SMYD3: variants seen among roughly 807,000 people sequenced by gnomAD.
The protein encoded by SMYD3 is histone-lysine N-methyltransferase SMYD3.
A neutral mutation model predicts 57.7 loss-of-function variants in SMYD3; 36 were observed. The observed-to-expected ratio is 0.62, with a 90% confidence interval of 0.48 to 0.82. The LOEUF (loss-of-function observed/expected upper bound fraction) is 0.82. SMYD3 is among the 40% of genes least tolerant of loss of function. SMYD3 has a pLI of 0.00. For synonymous variants in SMYD3, 211 were observed against 195.0 expected, an observed-to-expected ratio of 1.08 and a Z score of -0.68; for missense variants, 515 against 538.8, an observed-to-expected ratio of 0.96 and a Z score of 0.44.
At chr1:246,217,968 T>C (rs1247477789) in intron 5 of SMYD3, among the ~76,000 whole-genome samples, 1 of 152,100 alleles carries the variant, frequency 6.6e-6, no homozygotes, top group Non-Finnish European at 1.5e-5. Flanking sequence ...CAATGGAAGA[T>C]AAATACATGA....
chr1:246,429,516 G>GC (rs1271948816), intron 1 of SMYD3, among the ~76,000 whole-genome samples: 5 of 152,186 alleles, frequency 3.3e-5, no homozygotes, highest in African/African-American at 1.2e-4. Flanking sequence ...AGCTGGAGTT[G>GC]TAAAAATCCA....
At chr1:245,993,639 C>T (rs112724593) in intron 5 of SMYD3, among the ~76,000 whole-genome samples, 1,182 of 112,174 alleles carry the variant, frequency 0.011, 23 homozygotes, top group African/African-American at 0.046. Context: ...GATAGACAGA[C>T]AGACAGACAG....
At chr1:246,427,785 T>C (rs1352157672) in intron 1 of SMYD3, among the ~76,000 whole-genome samples, 1 of 151,676 alleles carries the variant, frequency 6.6e-6, no homozygotes. Flanking sequence ...GCCCAGGAGG[T>C]TGAGGCTGCG....
chr1:246,377,993 C>T (rs1212891251), intron 1 of SMYD3, among the ~76,000 whole-genome samples: 1 of 152,202 alleles, frequency 6.6e-6, no homozygotes, highest in African/African-American at 2.4e-5. Context: ...TGTGCTTTCC[C>T]TTGACAAATG....
At chr1:246,432,000 A>T (rs901675571) in intron 1 of SMYD3, among the ~76,000 whole-genome samples, 1 of 152,240 alleles carries the variant, frequency 6.6e-6, no homozygotes, top group African/African-American at 2.4e-5. Context: ...AAAAGTATAT[A>T]GTCTGGCAAC....
At chr1:246,093,705 G>T (rs1307315615) in intron 5 of SMYD3, among the ~76,000 whole-genome samples, 1 of 152,006 alleles carries the variant, frequency 6.6e-6, no homozygotes, top group Non-Finnish European at 1.5e-5. Flanking sequence ...AATTGAAAAT[G>T]ATTTAAGTTC....
Position 246,117,592 on chromosome 1 carries a change from C to G in SMYD3, c.532-187655G>C, listed in dbSNP as rs141734585. 3.5e-3 allele frequency among the ~76,000 whole-genome samples: 530 copies of G among 152,340 alleles called. 5 individuals are homozygous for G. Among genetic ancestry groups the G allele is most frequent in the African/African-American group, 0.012 (480 of 41,578 alleles). Reference sequence around the variant, plus strand: ...ATGACAAGGTAAGGTTTCCCTCCCACTCCTGACCCCAGTGCTCGCTCTTGC... The same window carrying G: ...ATGACAAGGTAAGGTTTCCCTCCCAGTCCTGACCCCAGTGCTCGCTCTTGC... On this transcript the variant is annotated intron_variant, in intron 5 of 11. Coordinates refer to ENST00000490107, the MANE Select transcript of SMYD3 (RefSeq NM_001167740.2).
chr1:245,979,990 G>A (rs1160398155), intron 5 of SMYD3, among the ~76,000 whole-genome samples: 1 of 152,190 alleles, frequency 6.6e-6, no homozygotes, highest in Non-Finnish European at 1.5e-5. Flanking sequence ...AGTGGACATC[G>A]CACGCTAGCC....
chr1:246,099,199 T>C (rs1191371522), intron 5 of SMYD3, among the ~76,000 whole-genome samples: 1 of 152,218 alleles, frequency 6.6e-6, no homozygotes, highest in Non-Finnish European at 1.5e-5. Flanking sequence ...ATTTGATACG[T>C]ATTTTGAAAC....
chr1:245,765,812 G>A (rs1188809613), intron 10 of SMYD3, among the ~76,000 whole-genome samples: 4 of 152,190 alleles, frequency 2.6e-5, no homozygotes, highest in East Asian at 3.9e-4. Flanking sequence ...CATCACTCAC[G>A]CAGGGCCTGC....
chr1:246,423,045 T>C (rs1344302919), intron 1 of SMYD3, among the ~76,000 whole-genome samples: 1 of 152,078 alleles, frequency 6.6e-6, no homozygotes, highest in Non-Finnish European at 1.5e-5. Flanking sequence ...GGCATATAAT[T>C]CCAATCACTT....
At chr1:245,929,502 T>A (rs548255466) in intron 6 of SMYD3, among the ~76,000 whole-genome samples, 1 of 152,146 alleles carries the variant, frequency 6.6e-6, no homozygotes, top group Non-Finnish European at 1.5e-5. Flanking sequence ...TGAACCCAAC[T>A]GATACGTACG....
chr1:246,470,337 C>T (rs1302340321), intron 1 of SMYD3, among the ~76,000 whole-genome samples: 61 of 151,464 alleles, frequency 4.0e-4, no homozygotes, highest in Non-Finnish European at 1.0e-4. Flanking sequence ...GCTAAAAATA[C>T]AAAAAATAAT....
At chr1:246,134,863 T>G (rs929516242) in intron 5 of SMYD3, among the ~76,000 whole-genome samples, 1 of 151,962 alleles carries the variant, frequency 6.6e-6, no homozygotes. Flanking sequence ...AATATCTATT[T>G]TTAAAGTGTG....
chr1:246,278,214 T>C (rs2064371793), intron 5 of SMYD3, among the ~76,000 whole-genome samples: 1 of 151,134 alleles, frequency 6.6e-6, no homozygotes, highest in Non-Finnish European at 1.5e-5. Flanking sequence ...TGTATGTCGA[T>C]GTCCCTTTCC....
At chr1:246,114,450 T>C (rs1024027095) in intron 5 of SMYD3, among the ~76,000 whole-genome samples, 15 of 152,182 alleles carry the variant, frequency 9.9e-5, no homozygotes, top group African/African-American at 3.6e-4. Context: ...ACAAACAACC[T>C]GCTTGTACAA....
intron 1 of SMYD3, among the ~76,000 whole-genome samples, chr1:246,386,238 C>A (rs1188593406): frequency 6.6e-6 from 1 of 152,136 alleles, no homozygotes; most frequent in East Asian, 1.9e-4. Flanking sequence ...GCCAGAAGAC[C>A]ACCAGTTAGG....
At chr1:246,266,782 A>G (rs1010920603) in intron 5 of SMYD3, among the ~76,000 whole-genome samples, 37 of 146,914 alleles carry the variant, frequency 2.5e-4, no homozygotes, top group African/African-American at 9.0e-4. Flanking sequence ...AAAGAAAGAC[A>G]GAAAGAAAGA....
chr1:245,830,799 A>G (rs1167274877), intron 10 of SMYD3, among the ~76,000 whole-genome samples: 1 of 152,216 alleles, frequency 6.6e-6, no homozygotes, highest in Admixed American at 6.5e-5. Flanking sequence ...TGAGATAGGC[A>G]ACACCTATCT....
Sources: allele counts gnomAD v4.1 joint callset (sites outside exome capture counted in the v4.1 genomes callset), GRCh38; gene constraint gnomAD v4.1.1; transcripts MANE v1.5; gene names NCBI Gene and HGNC (gene_info 2026-07-23, HGNC 2026-07-21).